The following PAX3 variants were observed in gnomAD, a reference collection of about 807,000 sequenced individuals.
PAX3 encodes paired box protein Pax-3.
Under a neutral mutation model 51.6 loss-of-function variants are expected in PAX3, and 14 were observed. The ratio of observed to expected loss-of-function variants is 0.27; its 90% CI spans 0.18 to 0.42. PAX3 has a LOEUF of 0.42. Among genes scored for constraint, PAX3 ranks in the 10% least tolerant of loss-of-function variants. The pLI, the probability that PAX3 is intolerant of heterozygous loss-of-function variation, is 1.00. For synonymous variants in PAX3, 280 were observed against 253.4 expected (o/e 1.11, Z -1.00); for missense variants, 540 against 642.8 (o/e 0.84, Z 1.73).
In PAX3 at chr2:222,202,184, C is replaced by T; in HGVS notation, c.1180G>A (p.Gly394Arg). The change falls in exon 8 of 9, where the codon GGA (glycine) becomes AGA (arginine). Residue 394 changes from glycine (G) to arginine (R), a missense_variant. Coordinates refer to ENST00000392070, the MANE Select transcript of PAX3 (RefSeq NM_181458.4). ...IGNGLSPQVM[G>R]LLTNHGGVPH... ...ACCCCACCGTGGTTGGTCAGGAGTC[C>T]CATTACCTAAAAAAACAGCCAGATT... is the stretch of plus-strand genomic sequence containing the variant. 6.3e-7 allele frequency: 1 copy of T among 1,591,232 alleles called. No homozygotes were observed.
At chr2:222,211,730 C>A (rs915859154) in intron 7 of PAX3, among the ~76,000 whole-genome samples, 1 of 152,134 alleles carries the variant, frequency 6.6e-6, no homozygotes, top group Non-Finnish European at 1.5e-5. Flanking sequence ...TGGTATTCAA[C>A]AAAAGGGCTC....
At chr2:222,209,394 A>G (rs1691632783) in intron 7 of PAX3, among the ~76,000 whole-genome samples, 2 of 152,148 alleles carry the variant, frequency 1.3e-5, no homozygotes, top group South Asian at 2.1e-4. Context: ...ACCTGGTGAT[A>G]CTGATTTACC....
chr2:222,283,912 G>A (rs1352604345), intron 4 of PAX3, among the ~76,000 whole-genome samples: 3 of 152,232 alleles, frequency 2.0e-5, no homozygotes, highest in Non-Finnish European at 2.9e-5. Flanking sequence ...AAACATGGGG[G>A]CAGGAGCTCT....
chr2:222,222,892 A>T (rs1361893169), intron 5 of PAX3, among the ~76,000 whole-genome samples: 1 of 152,184 alleles, frequency 6.6e-6, no homozygotes, highest in African/African-American at 2.4e-5. Context: ...AAGTGGAAGC[A>T]AAAAGTTTCA....
At chr2:222,233,315 G>A (rs1316702538) in intron 4 of PAX3, among the ~76,000 whole-genome samples, 1 of 152,092 alleles carries the variant, frequency 6.6e-6, no homozygotes, top group Non-Finnish European at 1.5e-5. Context: ...TCAAAATTGA[G>A]TGGGCAGGTA....
At chr2:222,284,618 T>C (rs199937663) in intron 4 of PAX3, among the ~76,000 whole-genome samples, 5 of 72,598 alleles carry the variant, frequency 6.9e-5, no homozygotes, top group East Asian at 1.1e-3. Flanking sequence ...TGTGCGTGTG[T>C]GTGTGTGTGT....
intron 8 of PAX3, chr2:222,201,741 C>T (rs1691300139): frequency 6.8e-7 from 1 of 1,467,618 alleles, no homozygotes; most frequent in Non-Finnish European, 8.9e-7. Context: ...CAATTAATAA[C>T]CGCAAGATGT....
At chr2:222,253,297 C>T (rs2106129234) in intron 4 of PAX3, among the ~76,000 whole-genome samples, 1 of 152,322 alleles carries the variant, frequency 6.6e-6, no homozygotes, top group East Asian at 1.9e-4. Context: ...CTTTGGAAAA[C>T]ACAGAGTGCT....
At position 222,232,272 on chromosome 2, in the gene PAX3, G is replaced by T. The variant is rs1292183820; in HGVS notation, c.598C>A (p.Gln200Lys). 1 of 1,613,422 alleles carries T rather than the reference G, an allele frequency of 6.2e-7. No homozygotes were observed. Among genetic ancestry groups the T allele is most frequent in the Admixed American group, 1.7e-5 (1 of 60,004 alleles). The change falls in exon 5 of 9, where the codon CAA becomes AAA. Residue 200 changes from glutamine (Q) to lysine (K), a missense_variant. Coordinates refer to ENST00000392070, the MANE Select transcript of PAX3 (RefSeq NM_181458.4). ...GILSERASAPQSDEGSDIDSE... is the reference protein window; with the variant it reads ...GILSERASAPKSDEGSDIDSE... ...TCAATATCAGAGCCTTCATCTGATT[G>T]GGGTGCTGAGGCTAAAAGCACAGAA...
chr2:222,252,286 A>G (rs1290775568), intron 4 of PAX3, among the ~76,000 whole-genome samples: 1 of 152,226 alleles, frequency 6.6e-6, no homozygotes, highest in Non-Finnish European at 1.5e-5. Context: ...ATATTTGCCT[A>G]GTCTATATGA....
At chr2:222,263,971 G>A (rs1693954165) in intron 4 of PAX3, 1 of 152,172 alleles carries the variant, frequency 6.6e-6, no homozygotes, top group Non-Finnish European at 1.5e-5. Context: ...CAGCTTCCAG[G>A]GACTAAGAGC....
chr2:222,296,712 A>G (rs780908620), intron 2 of PAX3, among the ~76,000 whole-genome samples: 1 of 152,192 alleles, frequency 6.6e-6, no homozygotes, highest in Non-Finnish European at 1.5e-5. Context: ...AAATAATTTG[A>G]TGAGGATTGC....
At chr2:222,213,916 G>A (rs576035664) in intron 7 of PAX3, among the ~76,000 whole-genome samples, 19 of 152,246 alleles carry the variant, frequency 1.2e-4, no homozygotes, top group Admixed American at 4.6e-4. Flanking sequence ...TGGCTGTACC[G>A]CCAGGGTGAA....
chr2:222,298,924 C>T lies in PAX3; in HGVS notation c.-309G>A. ...GTCCCTGAAAAGGGGGCTCAGAGAG[C>T]CACGGCGAGCCGGGGAGCCTGGTGA... On this transcript the variant is annotated 5_prime_UTR_variant, in exon 1 of 9. Transcript: ENST00000392070. 1 of 495,376 alleles carries T rather than the reference C, an allele frequency of 2.0e-6. No homozygotes were observed. Among genetic ancestry groups the T allele is most frequent in the Non-Finnish European group, 3.7e-6 (1 of 272,874 alleles). 30.7% of individuals were successfully genotyped at this position (495,376 alleles called of 1,614,324 possible).
intron 4 of PAX3, among the ~76,000 whole-genome samples, chr2:222,239,584 G>A (rs1001558273): frequency 6.6e-6 from 1 of 152,124 alleles, no homozygotes; most frequent in African/African-American, 2.4e-5. Context: ...ACTGTACATT[G>A]TGTAACTATC....
chr2:222,289,271 G>A (rs1427237185), intron 4 of PAX3, among the ~76,000 whole-genome samples: 1 of 152,116 alleles, frequency 6.6e-6, no homozygotes, highest in Non-Finnish European at 1.5e-5. Context: ...TGTTACTGTT[G>A]CAGCTTTTCA....
At chr2:222,296,837 C>T (rs756621461) in intron 2 of PAX3, 141 bp downstream of exon 2, 21 of 721,078 alleles carry the variant, frequency 2.9e-5, no homozygotes, top group Non-Finnish European at 4.9e-5. Context: ...CACACACACA[C>T]GCGCGCCTTT....
intron 4 of PAX3, among the ~76,000 whole-genome samples, chr2:222,290,247 C>A (rs897812493): frequency 6.9e-6 from 1 of 145,658 alleles, no homozygotes; most frequent in African/African-American, 2.8e-5. Context: ...TCTCCTACCT[C>A]CCCCCCAAAA....
At chr2:222,264,527 C>T (rs888593863) in intron 4 of PAX3, 2 of 152,088 alleles carry the variant, frequency 1.3e-5, no homozygotes, top group Admixed American at 6.5e-5. Flanking sequence ...CACTTTAAAA[C>T]AGTTAATTTT....
Sources: gnomAD v4.1 joint callset for allele counts (sites outside exome capture counted in the v4.1 genomes callset) on GRCh38, gnomAD v4.1.1 for gene constraint, MANE v1.5 for transcripts, NCBI Gene and HGNC (gene_info 2026-07-23, HGNC 2026-07-21) for gene names.